The following MYO1B variants were observed in gnomAD, a reference collection of about 807,000 sequenced individuals.
The protein encoded by MYO1B is myosin IB, also known as unconventional myosin-Ib.
MYO1B carries 72 observed loss-of-function variants against 159.7 expected under a neutral mutation model. The ratio of observed to expected loss-of-function variants is 0.45; its 90% CI spans 0.37 to 0.55. The LOEUF (loss-of-function observed/expected upper bound fraction) is 0.55. Ranked by LOEUF, MYO1B falls within the 20% of genes least tolerant of loss-of-function variation. MYO1B has a pLI of 0.00. For missense variants in MYO1B, 1,062 were observed against 1,364.8 expected, an observed-to-expected ratio of 0.78 and a Z score of 3.50; for synonymous variants, 468 against 473.8, an observed-to-expected ratio of 0.99 and a Z score of 0.16.
intron 7 of MYO1B, among the ~76,000 whole-genome samples, chr2:191,353,057 C>T (rs1038750262): frequency 7.9e-5 from 12 of 152,114 alleles, no homozygotes; most frequent in African/African-American, 2.7e-4. Flanking sequence ...AAGGAAAGCC[C>T]GGTAACTCCT....
rs112220073 is a variant in MYO1B, at chr2:191,272,455, G to A, written c.-9-4432G>A. Among the ~76,000 whole-genome samples, 369 of 152,328 alleles carry A rather than the reference G, an allele frequency of 2.4e-3. 4 individuals are homozygous for A. Among genetic ancestry groups the A allele is most frequent in the African/African-American group, 8.4e-3 (351 of 41,566 alleles). On this transcript the variant is annotated intron_variant, in intron 1 of 30. Coordinates refer to ENST00000392318, the MANE Select transcript of MYO1B (RefSeq NM_001130158.3). ...AATCCACCTGGGGCTAGTAAGAAGCGTAAGAAGCAGTAGAGTGAGGTGGCA... is the reference window on the plus strand; with the variant it reads ...AATCCACCTGGGGCTAGTAAGAAGCATAAGAAGCAGTAGAGTGAGGTGGCA...
At chr2:191,277,899 G>T (rs1435455390) in intron 2 of MYO1B, among the ~76,000 whole-genome samples, 1 of 152,090 alleles carries the variant, frequency 6.6e-6, no homozygotes, top group African/African-American at 2.4e-5. Flanking sequence ...GGATTATTGG[G>T]CATGCTTAAT....
chr2:191,296,055 G>A (rs1371727425), intron 2 of MYO1B, 56 bp from the exon 3 acceptor site: 8 of 1,033,894 alleles, frequency 7.7e-6, no homozygotes, highest in Middle Eastern at 2.4e-4. Context: ...AGCTTAAGAC[G>A]TTAAAATACA....
At chr2:191,312,378 A>G (rs1690058891) in intron 3 of MYO1B, among the ~76,000 whole-genome samples, 1 of 152,186 alleles carries the variant, frequency 6.6e-6, no homozygotes, top group African/African-American at 2.4e-5. Flanking sequence ...CTTTTGCGGT[A>G]TATGGGAAAC....
intron 1 of MYO1B, among the ~76,000 whole-genome samples, chr2:191,262,016 T>A (rs1481035502): frequency 1.3e-5 from 2 of 152,184 alleles, no homozygotes. Flanking sequence ...ACCTCTACTT[T>A]AGTCTTAAAC....
intron 3 of MYO1B, among the ~76,000 whole-genome samples, chr2:191,328,770 C>A (rs1691269134): frequency 6.6e-6 from 1 of 152,174 alleles, no homozygotes; most frequent in Non-Finnish European, 1.5e-5. Context: ...TTCACCCCAC[C>A]TCCATGATGT....
chr2:191,316,719 C>A (rs1183418889), intron 3 of MYO1B, among the ~76,000 whole-genome samples: 1 of 152,116 alleles, frequency 6.6e-6, no homozygotes, highest in African/African-American at 2.4e-5. Flanking sequence ...GCAAGCCTAC[C>A]ATTGGCATAT....
At position 191,296,095 on chromosome 2, in the gene MYO1B, G is replaced by A. The variant is rs1688968179; in HGVS notation, c.136-16G>A. 1.3e-6 allele frequency: 2 copies of A among 1,486,560 alleles called. No individual in the cohort carries two copies. Among genetic ancestry groups the A allele is most frequent in the East Asian group, 2.3e-5 (1 of 43,072 alleles). The allele number at this position is 1,486,560 out of a possible 1,614,324, so 92.1% of individuals were successfully genotyped here. A position where few individuals can be genotyped will look rare whatever the true frequency, so the allele number is the denominator to read the frequency against. ...GTGTACTAACTAATGGGCATGTTTT[G>A]TTCTTTCTTTTGCAGACATACATTG... is the stretch of plus-strand genomic sequence containing the variant. On this transcript the variant is annotated splice_polypyrimidine_tract_variant and intron_variant, in intron 2 of 30. Coordinates refer to ENST00000392318, the MANE Select transcript of MYO1B (RefSeq NM_001130158.3).
chr2:191,321,616 T>C (rs1690718470), intron 3 of MYO1B, among the ~76,000 whole-genome samples: 1 of 152,174 alleles, frequency 6.6e-6, no homozygotes, highest in Admixed American at 6.6e-5. Context: ...TTTGGTTAAT[T>C]TCTGGACAGG....
In MYO1B at chr2:191,300,639, C is replaced by CTTTTTTTTTTTTTTTTTTTT. The variant is rs1233709923; in HGVS notation, c.251+4429_251+4430insTTTTTTTTTTTTTTTTTTTT. Among the ~76,000 whole-genome samples, 5 of 66,912 alleles carry CTTTTTTTTTTTTTTTTTTTT rather than the reference C, an allele frequency of 7.5e-5. 1 individual carries two copies. Among genetic ancestry groups the CTTTTTTTTTTTTTTTTTTTT allele is most frequent in the Admixed American group, 4.7e-4 (2 of 4,280 alleles). 43.9% of individuals were successfully genotyped at this position (66,912 alleles called of 152,430 possible). On this transcript the variant is annotated intron_variant, in intron 3 of 30. Coordinates refer to ENST00000392318, the MANE Select transcript of MYO1B (RefSeq NM_001130158.3). The stretch of plus-strand genomic sequence containing the variant: ...TTACAGGTGTGACACTGTGCGCAGC[C>CTTTTTTTTTTTTTTTTTTTT]TTTTTTTTTTTTTTTTAAGAGATGA...
At position 191,286,072 on chromosome 2, in the gene MYO1B, C is replaced by T. The variant is rs73981541; in HGVS notation, c.135+9042C>T. Among the ~76,000 whole-genome samples the T allele has an allele frequency of 5.0e-3, 760 of 152,278 alleles. 9 individuals carry two copies. The highest frequency in any genetic ancestry group is 0.017 in the African/African-American group (717 of 41,564). On this transcript the variant is annotated intron_variant, in intron 2 of 30. Coordinates refer to ENST00000392318, the MANE Select transcript of MYO1B (RefSeq NM_001130158.3). ...GAAACCTTGGGCAAGTTATTTAAAA[C>T]CTTCTAATGTTTCCAGTTCTATTCC...
chr2:191,383,519 C>CGT (rs780848794), intron 15 of MYO1B, among the ~76,000 whole-genome samples, 177 bp downstream of exon 15: 36 of 114,358 alleles, frequency 3.1e-4, no homozygotes, highest in East Asian at 1.7e-3. Flanking sequence ...TACACGTACA[C>CGT]ACACACACAC....
intron 19 of MYO1B, among the ~76,000 whole-genome samples, chr2:191,392,821 A>G (rs921362122): frequency 3.9e-5 from 6 of 152,234 alleles, no homozygotes; most frequent in East Asian, 1.9e-4. Context: ...CTTAAGGTCA[A>G]TTCAGCCCCT....
At chr2:191,385,785 T>C in intron 15 of MYO1B, 99 bp from the exon 16 acceptor site, 5 of 1,273,232 alleles carry the variant, frequency 3.9e-6, no homozygotes, top group Non-Finnish European at 5.5e-6. Context: ...CAGACTTTTC[T>C]TGTGACTAAG....
intron 3 of MYO1B, among the ~76,000 whole-genome samples, chr2:191,321,246 A>G (rs1690691038): frequency 6.6e-6 from 1 of 152,206 alleles, no homozygotes; most frequent in Non-Finnish European, 1.5e-5. Flanking sequence ...GCAACATTAA[A>G]TTTAGCATTA....
intron 21 of MYO1B, 66 bp downstream of exon 21, chr2:191,396,563 T>A (rs1696085528): frequency 6.6e-7 from 1 of 1,509,576 alleles, no homozygotes; most frequent in Non-Finnish European, 9.2e-7. Context: ...GGATAATGTC[T>A]TTAGGGTCAC....
At chr2:191,275,967 G>C (rs1332717184) in intron 1 of MYO1B, among the ~76,000 whole-genome samples, 1 of 152,172 alleles carries the variant, frequency 6.6e-6, no homozygotes, top group African/African-American at 2.4e-5. Context: ...TCTGCTGTTG[G>C]GTGGCACCAT....
At chr2:191,362,487 G>T in intron 9 of MYO1B, 116 bp downstream of exon 9, 2 of 626,756 alleles carry the variant, frequency 3.2e-6, no homozygotes, top group South Asian at 3.6e-5. Flanking sequence ...TAAGGTTTTA[G>T]AATTATACAA....
chr2:191,415,582 GT>G (rs139352098), intron 29 of MYO1B, among the ~76,000 whole-genome samples: 8,459 of 144,302 alleles, frequency 0.059, 789 homozygotes, highest in African/African-American at 0.2. Context: ...CAAGCATCAT[GT>G]TTTTTTTTTT....
Sources: gnomAD v4.1 joint callset for allele counts (sites outside exome capture counted in the v4.1 genomes callset) on GRCh38, gnomAD v4.1.1 for gene constraint, MANE v1.5 for transcripts, NCBI Gene and HGNC (gene_info 2026-07-23, HGNC 2026-07-21) for gene names.